The following NCOR1 variants were observed in gnomAD, a reference collection of about 807,000 sequenced individuals.
NCOR1 encodes the protein nuclear receptor corepressor 1.
In NCOR1, 63 loss-of-function variants were observed where a neutral mutation model predicts 288.1. The observed-to-expected ratio is 0.22, with a 90% CI of 0.18 to 0.27. NCOR1 has a LOEUF of 0.27. Among genes scored for constraint, NCOR1 ranks in the 10% least tolerant of loss-of-function variants. The pLI, the probability that NCOR1 is intolerant of heterozygous loss-of-function variation, is 1.00. For synonymous variants in NCOR1, 1,007 were observed against 1,065.9 expected, an observed-to-expected ratio of 0.94 and a Z score of 1.08; for missense variants, 2,397 against 3,019.2, an observed-to-expected ratio of 0.79 and a Z score of 4.83.
intron 18 of NCOR1, among the ~76,000 whole-genome samples, chr17:16,116,328 C>T (rs1399874596): frequency 6.6e-6 from 1 of 152,124 alleles, no homozygotes; most frequent in Non-Finnish European, 1.5e-5. Context: ...AGAGTTAAAG[C>T]AAGTTTTTCA....
chr17:16,162,286 A>C (rs1418335249), intron 5 of NCOR1, among the ~76,000 whole-genome samples: 1 of 152,220 alleles, frequency 6.6e-6, no homozygotes, highest in Non-Finnish European at 1.5e-5. Flanking sequence ...AATAAGAAAG[A>C]GAAACAAGAG....
intron 3 of NCOR1, among the ~76,000 whole-genome samples, chr17:16,175,175 T>G (rs954500427): frequency 1.3e-5 from 2 of 152,190 alleles, no homozygotes; most frequent in African/African-American, 4.8e-5. Flanking sequence ...GAGACCAGCC[T>G]GACCAACAAG....
intron 23 of NCOR1, among the ~76,000 whole-genome samples, chr17:16,081,679 T>G (rs1483031654): frequency 6.6e-6 from 1 of 151,904 alleles, no homozygotes; most frequent in East Asian, 1.9e-4. Flanking sequence ...CTGACTGGAG[T>G]GGGAGAGGAG....
intron 11 of NCOR1, 39 bp downstream of exon 11, chr17:16,143,567 T>C: frequency 6.6e-7 from 1 of 1,508,324 alleles, no homozygotes; most frequent in Admixed American, 1.7e-5. Context: ...AATGCTTTAA[T>C]AATTAACGAA....
chr17:16,095,279 C>A (rs1598512562), intron 21 of NCOR1, among the ~76,000 whole-genome samples: 1 of 148,980 alleles, frequency 6.7e-6, no homozygotes, highest in South Asian at 2.2e-4. Context: ...AGGTGAGGAG[C>A]GTCTCTGCCC....
At chr17:16,170,814 C>CTGGG (rs2083005819) in intron 4 of NCOR1, among the ~76,000 whole-genome samples, 1 of 148,994 alleles carries the variant, frequency 6.7e-6, no homozygotes, top group Admixed American at 6.8e-5. Context: ...GCACTCCAGC[C>CTGGG]TGGGGTACAG....
chr17:16,189,933 ATAAC>A lies in NCOR1; in HGVS notation c.109-3250_109-3247del, dbSNP rs147677747. Among the ~76,000 whole-genome samples the A allele has an allele frequency of 6.7e-3, 1,028 of 152,340 alleles. 9 individuals are homozygous for A. Among genetic ancestry groups the A allele is most frequent in the Non-Finnish European group, 0.012 (790 of 68,022 alleles). ...AAATAACGTTGAAGCTACAAATTGA[ATAAC>A]TAAGTCATCATTTGGCTGGGCATGC... On this transcript the variant is annotated intron_variant, in intron 2 of 45. Transcript: ENST00000268712.
chr17:16,047,197 C>G (rs997015026), intron 41 of NCOR1, 104 bp from the exon 42 acceptor site: 5 of 1,179,652 alleles, frequency 4.2e-6, no homozygotes, highest in Non-Finnish European at 5.9e-6. Flanking sequence ...AAACTACTGC[C>G]TCCTCATCCT....
chr17:16,094,934 G>A (rs1392745720), intron 21 of NCOR1, among the ~76,000 whole-genome samples: 15 of 149,934 alleles, frequency 1.0e-4, no homozygotes, highest in East Asian at 3.9e-4. Flanking sequence ...CCTCCCAGCC[G>A]CCTGCCTTGG....
intron 33 of NCOR1, 89 bp from the exon 34 acceptor site, chr17:16,065,108 T>C (rs1311874068): frequency 5.8e-5 from 69 of 1,197,182 alleles, no homozygotes; most frequent in Non-Finnish European, 6.9e-5. Flanking sequence ...TCTCTGTGAA[T>C]CAAGGGTAAT....
Position 16,057,889 on chromosome 17 carries a change from G to T in NCOR1, c.6168+18C>A, listed in dbSNP as rs772882577. 1 of 1,572,086 alleles carries T rather than the reference G, an allele frequency of 6.4e-7. No homozygotes were observed. Among genetic ancestry groups the T allele is most frequent in the Non-Finnish European group, 8.6e-7 (1 of 1,163,694 alleles). ...TCAAAAAAGAAAAATTAACTAATAA[G>T]AATAATGAAAAACTTACACAGATGT... On this transcript the variant is annotated intron_variant, in intron 39 of 45. Coordinates refer to ENST00000268712, the MANE Select transcript of NCOR1 (RefSeq NM_006311.4).
chr17:16,077,123 G>A lies in NCOR1; in HGVS notation c.3502-1421C>T, dbSNP rs1017466231. The stretch of plus-strand genomic sequence containing the variant: ...AGCAGAATGCTTTCCATGGCTGGCT[G>A]TGGTGGCTTGCGCCTGTAATCCCAG... On this transcript the variant is annotated intron_variant, in intron 26 of 45. Transcript: ENST00000268712. Among the ~76,000 whole-genome samples the A allele has an allele frequency of 7.2e-5, 11 of 152,236 alleles. No individual in the cohort carries two copies. The East Asian group carries it at 1.2e-3, about 16-fold the overall frequency.
At chr17:16,173,691 A>G (rs1054041349) in intron 3 of NCOR1, among the ~76,000 whole-genome samples, 2 of 152,154 alleles carry the variant, frequency 1.3e-5, no homozygotes, top group Non-Finnish European at 2.9e-5. Context: ...GCAGTTTGGG[A>G]GGCCGGGGCG....
At chr17:16,097,088 G>T (rs1020814823) in intron 21 of NCOR1, among the ~76,000 whole-genome samples, 1 of 152,118 alleles carries the variant, frequency 6.6e-6, no homozygotes, top group Non-Finnish European at 1.5e-5. Context: ...TTAAATATTT[G>T]GTCCTTCTCC....
At chr17:16,066,987 CAT>C (rs1267413098) in intron 32 of NCOR1, among the ~76,000 whole-genome samples, 6 of 152,334 alleles carry the variant, frequency 3.9e-5, no homozygotes, top group Non-Finnish European at 8.8e-5. Flanking sequence ...GCAGAAAACA[CAT>C]GTGTGACTGG....
At position 16,062,124 on chromosome 17, in the gene NCOR1, T is replaced by C. The variant is rs1390102373; in HGVS notation, c.5368A>G (p.Thr1790Ala). ...ACTGACATGATTCGTAGCTGAGCAGTTGGATCCAAAGGTGTGATTACACTG... is the reference window on the plus strand; with the variant it reads ...ACTGACATGATTCGTAGCTGAGCAGCTGGATCCAAAGGTGTGATTACACTG... ...GTSVITPLDP[T>A]AQLRIMPLPA... Residue 1790 changes from threonine (T) to alanine (A), a missense_variant, in exon 36 of 46, where the codon ACT becomes GCT. Coordinates refer to ENST00000268712, the MANE Select transcript of NCOR1 (RefSeq NM_006311.4). The C allele has an allele frequency of 5.0e-6, 8 of 1,612,172 alleles. No individual in the cohort carries two copies. Among genetic ancestry groups the C allele is most frequent in the South Asian group, 1.1e-5 (1 of 90,458 alleles).
intron 21 of NCOR1, among the ~76,000 whole-genome samples, chr17:16,092,691 A>ATTTTTT (rs2065578838): frequency 9.2e-5 from 1 of 10,852 alleles, no homozygotes; most frequent in African/African-American, 3.2e-4. Context: ...ATATATATAT[A>ATTTTTT]TATATTTTTT....
chr17:16,087,486 C>T (rs992959250), intron 22 of NCOR1: 7 of 343,238 alleles, frequency 2.0e-5, no homozygotes, highest in South Asian at 1.8e-4. Flanking sequence ...AATTCACCCA[C>T]AGAGAAGTTA....
intron 22 of NCOR1, 93 bp from the exon 23 acceptor site, chr17:16,086,535 C>T (rs1598393323): frequency 2.6e-6 from 3 of 1,148,820 alleles, no homozygotes; most frequent in Non-Finnish European, 3.6e-6. Flanking sequence ...TTTTAAATCA[C>T]TAATTAAAAA....
Sources: allele counts gnomAD v4.1 joint callset (sites outside exome capture counted in the v4.1 genomes callset), GRCh38; gene constraint gnomAD v4.1.1; transcripts MANE v1.5; gene names NCBI Gene and HGNC (gene_info 2026-07-23, HGNC 2026-07-21).